The following RARA variants were observed in gnomAD, a reference collection of about 807,000 sequenced individuals.
RARA encodes retinoic acid receptor alpha, also known as PML-DDX5-RARA fusion.
In RARA, 5 loss-of-function variants were observed where a neutral mutation model predicts 42.8. That is an observed-to-expected ratio of 0.12 (90% CI 0.06 to 0.25). RARA has a LOEUF of 0.25. Ranked by LOEUF, RARA falls within the 10% of genes least tolerant of loss-of-function variation. The pLI, the probability that RARA is intolerant of heterozygous loss-of-function variation, is 1.00. For missense variants in RARA, 402 were observed against 628.7 expected, an observed-to-expected ratio of 0.64 and a Z score of 3.86; for synonymous variants, 256 against 259.5, an observed-to-expected ratio of 0.99 and a Z score of 0.13.
intron 2 of RARA, 136 bp downstream of exon 2, chr17:40,331,532 AC>A: frequency 8.9e-7 from 1 of 1,121,444 alleles, no homozygotes. Context: ...AGTTGGGGTG[AC>A]CATCATTTGA....
At position 40,355,367 on chromosome 17, in the gene RARA, A is replaced by G. The variant is rs954829630; in HGVS notation, c.1117A>G (p.Met373Val). 2.0e-5 allele frequency: 33 copies of G among 1,613,800 alleles called. No homozygotes were observed. The highest frequency in any genetic ancestry group is 2.5e-5 in the Non-Finnish European group (29 of 1,179,944). Residue 373 changes from methionine (M) to valine (V), a missense_variant, in exon 8 of 9, where the codon ATG (methionine) becomes GTG (valine). Physicochemically the swap from Met to Val is conservative, Grantham distance 21. Coordinates refer to ENST00000254066, the MANE Select transcript of RARA (RefSeq NM_000964.4). This position sits in a 1 kb window ranked among gnomAD's most constrained non-coding sequence, Gnocchi z 4.1. Reference sequence around the variant, plus strand: ...GAAGCGGAGGCCCAGCCGCCCCCACATGTTCCCCAAGATGCTAATGAAGAT... The same window carrying G: ...GAAGCGGAGGCCCAGCCGCCCCCACGTGTTCCCCAAGATGCTAATGAAGAT... Reference protein sequence around the residue: ...VRKRRPSRPHMFPKMLMKITD... With the variant: ...VRKRRPSRPHVFPKMLMKITD...
intron 2 of RARA, among the ~76,000 whole-genome samples, chr17:40,334,118 A>G (rs2033779025): frequency 6.6e-6 from 1 of 152,224 alleles, no homozygotes; most frequent in African/African-American, 2.4e-5. Context: ...CATCCTGGCC[A>G]GAGGGAGCAA....
intron 2 of RARA, among the ~76,000 whole-genome samples, chr17:40,336,519 G>T (rs2033855188): frequency 6.6e-6 from 1 of 152,058 alleles, no homozygotes; most frequent in African/African-American, 2.4e-5. Context: ...CTCCCAAGTA[G>T]CTGGGACTAC....
chr17:40,351,974 C>T lies in RARA; in HGVS notation c.534C>T (p.Tyr178=). ...CCAAGCCCGAGTGCTCTGAGAGCTACACGCTGACGCCGGAGGTGGGGGAGC... is the reference window on the plus strand; with the variant it reads ...CCAAGCCCGAGTGCTCTGAGAGCTATACGCTGACGCCGGAGGTGGGGGAGC... The part of the protein sequence containing the change: ...EVPKPECSES[Y]TLTPEVGELI... The change falls in exon 5 of 9, where the codon TAC becomes TAT. Residue 178 remains tyrosine (Y), a synonymous_variant. Coordinates refer to ENST00000254066, the MANE Select transcript of RARA (RefSeq NM_000964.4). This position sits in a 1 kb window ranked among gnomAD's most constrained non-coding sequence, Gnocchi z 4.1. 6.2e-7 allele frequency: 1 copy of T among 1,608,546 alleles called. No homozygotes were observed. Among genetic ancestry groups the T allele is most frequent in the Non-Finnish European group, 8.5e-7 (1 of 1,178,332 alleles).
intron 2 of RARA, chr17:40,341,262 G>A (rs572544218): frequency 7.1e-5 from 92 of 1,292,686 alleles, no homozygotes; most frequent in Non-Finnish European, 8.6e-5. Context: ...TCCCCAGCTA[G>A]GAGACACCTT....
At chr17:40,350,117 G>C (rs1159719483) in intron 4 of RARA, 192 bp downstream of exon 4, 2 of 818,432 alleles carry the variant, frequency 2.4e-6, no homozygotes, top group Non-Finnish European at 3.7e-6. Context: ...CTGGCTGTGT[G>C]TCCACGGGCA....
chr17:40,346,125 A>G (rs1179161647), intron 2 of RARA, among the ~76,000 whole-genome samples: 1 of 152,200 alleles, frequency 6.6e-6, no homozygotes, highest in Non-Finnish European at 1.5e-5. Flanking sequence ...CTGCCAAAAA[A>G]TAATTTTAAA....
intron 2 of RARA, among the ~76,000 whole-genome samples, chr17:40,346,480 C>A (rs2034269339): frequency 6.6e-6 from 1 of 151,696 alleles, no homozygotes; most frequent in East Asian, 1.9e-4. Flanking sequence ...CATGGTCCCC[C>A]CAACCCTCCA....
In RARA at chr17:40,351,125, C is replaced by G. The variant is rs1040357727; in HGVS notation, c.470-785C>G. 6.6e-6 allele frequency among the ~76,000 whole-genome samples: 1 copy of G among 151,532 alleles called. No individual in the cohort carries two copies. The highest frequency in any genetic ancestry group is 1.5e-5 in the Non-Finnish European group (1 of 67,696). On this transcript the variant is annotated intron_variant, in intron 4 of 8. Coordinates refer to ENST00000254066, the MANE Select transcript of RARA (RefSeq NM_000964.4). The surrounding 1 kb of genome is among the most constrained non-coding windows in gnomAD (Gnocchi z 4.1). ...ATTTTCTCTTCCCAAATTATCCCCC[C>G]ACTCTCCCTCTCCCTCTCCCTTCTC...
At chr17:40,336,433 C>T (rs991527351) in intron 2 of RARA, among the ~76,000 whole-genome samples, 1 of 152,052 alleles carries the variant, frequency 6.6e-6, no homozygotes, top group African/African-American at 2.4e-5. Flanking sequence ...GCTCTGTTAG[C>T]CAGGCTGGAG....
rs771510728 is a variant in RARA at position 40,331,407 on chromosome 17, G to T, written c.178+11G>T. The T allele has an allele frequency of 6.2e-7, 1 of 1,611,168 alleles. No homozygotes were observed. Among genetic ancestry groups the T allele is most frequent in the Non-Finnish European group, 8.5e-7 (1 of 1,178,378 alleles). ...CACCATCCCCAGCCAGTAAGTCTGG[G>T]TGTGGGGGCTGGGGTGGGAAGGGAC... On this transcript the variant is annotated intron_variant, in intron 2 of 8. Coordinates refer to ENST00000254066, the MANE Select transcript of RARA (RefSeq NM_000964.4).
At chr17:40,334,726 A>C (rs2143307803) in intron 2 of RARA, among the ~76,000 whole-genome samples, 1 of 152,234 alleles carries the variant, frequency 6.6e-6, no homozygotes, top group South Asian at 2.1e-4. Flanking sequence ...ATTCTTGCTG[A>C]TGAGGCTTCC....
Position 40,354,469 on chromosome 17 carries a change from G to T in RARA, c.975G>T (p.Glu325Asp). The T allele has an allele frequency of 6.2e-7, 1 of 1,613,986 alleles. No individual in the cohort carries two copies. Among genetic ancestry groups the T allele is most frequent in the Non-Finnish European group, 8.5e-7 (1 of 1,180,002 alleles). ...TGCCCCTGGAGATGGATGATGCGGA[G>T]ACGGGGCTGCTCAGCGCCATCTGCC... ...QLLPLEMDDAETGLLSAICLI... is the reference protein window; with the variant it reads ...QLLPLEMDDADTGLLSAICLI... Residue 325 changes from glutamate to aspartate, a missense_variant, in exon 7 of 9, where the codon GAG becomes GAT. By Grantham distance (45) the Glu-to-Asp change is conservative. Around this residue, in one of 5 missense-constraint regions of RARA, gnomAD observed 104 missense variants for 160.1 expected, o/e 0.65. Transcript: ENST00000254066. This position sits in a 1 kb window ranked among gnomAD's most constrained non-coding sequence, Gnocchi z 4.5.
rs776288955 is a variant in RARA at position 40,352,084 on chromosome 17, C to A, written c.630+14C>A. The A allele has an allele frequency of 1.3e-6, 2 of 1,548,940 alleles. No homozygotes were observed. On this transcript the variant is annotated intron_variant, in intron 5 of 8. Coordinates refer to ENST00000254066, the MANE Select transcript of RARA (RefSeq NM_000964.4). This position sits in a 1 kb window ranked among gnomAD's most constrained non-coding sequence, Gnocchi z 4.9. ...AAATACACTACGGTATGGCTTTCCC[C>A]CGGCCTGCAGGGTGGGATTTGCCCA...
At chr17:40,321,755 T>C (rs2033388679) in intron 1 of RARA, among the ~76,000 whole-genome samples, 1 of 152,216 alleles carries the variant, frequency 6.6e-6, no homozygotes, top group Non-Finnish European at 1.5e-5. Flanking sequence ...ACCCCAGCCC[T>C]ATAACTGGAG....
Position 40,352,598 on chromosome 17 carries a change from C to G in RARA, c.807+91C>G. ...GACAGCCACCCTCCTAAATGTCTGT[C>G]TGCAATCAACCTGTCCAAATGCCCA... On this transcript the variant is annotated intron_variant, in intron 6 of 8. Transcript: ENST00000254066. The surrounding 1 kb of genome is among the most constrained non-coding windows in gnomAD (Gnocchi z 4.9). The G allele has an allele frequency of 2.4e-6, 3 of 1,244,660 alleles. No homozygotes were observed. The highest frequency in any genetic ancestry group is 5.1e-4 in the Middle Eastern group (2 of 3,892). 77.1% of individuals were successfully genotyped at this position (1,244,660 alleles called of 1,614,324 possible). A position where few individuals can be genotyped will look rare whatever the true frequency, so the allele number is the denominator to read the frequency against.
rs949096386 is a variant in RARA, at chr17:40,351,372, G to A, written c.470-538G>A. ...AGCCGAGTGGTGTGTGCGGCTCAGC[G>A]CCCCTGGTGATTTGTCAGCTCCCCA... On this transcript the variant is annotated intron_variant, in intron 4 of 8. Transcript: ENST00000254066. This position sits in a 1 kb window ranked among gnomAD's most constrained non-coding sequence, Gnocchi z 4.1. 4.8e-6 allele frequency: 2 copies of A among 413,556 alleles called. No individual in the cohort carries two copies. Among genetic ancestry groups the A allele is most frequent in the Non-Finnish European group, 1.0e-5 (2 of 195,392 alleles). 25.6% of individuals were successfully genotyped at this position (413,556 alleles called of 1,614,324 possible).
chr17:40,351,710 G>C lies in RARA; in HGVS notation c.470-200G>C, dbSNP rs2034458971. Among the ~76,000 whole-genome samples the C allele has an allele frequency of 6.6e-6, 1 of 152,080 alleles. No homozygotes were observed. The highest frequency in any genetic ancestry group is 2.4e-5 in the African/African-American group (1 of 41,412). On this transcript the variant is annotated intron_variant, in intron 4 of 8. Coordinates refer to ENST00000254066, the MANE Select transcript of RARA (RefSeq NM_000964.4). The surrounding 1 kb of genome is among the most constrained non-coding windows in gnomAD (Gnocchi z 4.1). ...CTGTGCTCATGGGGCTTCTGGGGCA[G>C]AACTTGATGTGTGGGTTGGGTGGGC...
At chr17:40,341,436 G>C in intron 2 of RARA, 1 of 1,526,484 alleles carries the variant, frequency 6.6e-7, no homozygotes, top group East Asian at 2.8e-5. Context: ...TTCCGACACA[G>C]CGTCCGAGCT....
Sources: allele counts gnomAD v4.1 joint callset (sites outside exome capture counted in the v4.1 genomes callset), GRCh38; gene constraint gnomAD v4.1.1; regional missense constraint gnomAD v4.1.1; non-coding constraint Gnocchi (gnomAD v3.1); transcripts MANE v1.5; gene names NCBI Gene and HGNC (gene_info 2026-07-23, HGNC 2026-07-21).